SHCBP1L: variants seen among roughly 807,000 people sequenced by gnomAD.
The protein encoded by SHCBP1L is testicular spindle-associated protein SHCBP1L.
SHCBP1L carries 67 observed loss-of-function variants against 62.5 expected under a neutral mutation model. That is an observed-to-expected ratio of 1.07 (90% confidence interval 0.88 to 1.31). The LOEUF (loss-of-function observed/expected upper bound fraction) is 1.31, where lower values mean the gene tolerates loss of function less well. Ranked by LOEUF, SHCBP1L falls within the 40% of genes most tolerant of loss-of-function variation. The probability of loss-of-function intolerance (pLI) is 0.00; values close to 1 mark genes in which losing one functional copy is unlikely to be tolerated. For missense variants in SHCBP1L, 823 were observed against 809.8 expected, an observed-to-expected ratio of 1.02 and a Z score of -0.20; for synonymous variants, 284 against 289.4, an observed-to-expected ratio of 0.98 and a Z score of 0.19.
At chr1:182,903,910 G>A (rs933219195) in intron 8 of SHCBP1L, among the ~76,000 whole-genome samples, 1 of 152,138 alleles carries the variant, frequency 6.6e-6, no homozygotes, top group Admixed American at 6.5e-5. Flanking sequence ...ACTGACTCAT[G>A]ATTTATGTTA....
At chr1:182,928,340 T>C (rs1280908136) in intron 6 of SHCBP1L, among the ~76,000 whole-genome samples, 1 of 152,058 alleles carries the variant, frequency 6.6e-6, no homozygotes, top group African/African-American at 2.4e-5. Flanking sequence ...GAGTGGTAAA[T>C]ACTCTTTGCT....
In SHCBP1L at chr1:182,903,174, A is replaced by G. The variant is rs1373113547; in HGVS notation, c.1588-13T>C. The G allele has an allele frequency of 3.3e-6, 5 of 1,518,704 alleles. No homozygotes were observed. Among genetic ancestry groups the G allele is most frequent in the African/African-American group, 1.4e-5 (1 of 71,374 alleles). The allele number at this position is 1,518,704 out of a possible 1,614,324, so 94.1% of individuals were successfully genotyped here. A position where few individuals can be genotyped will look rare whatever the true frequency, so the allele number is the denominator to read the frequency against. The stretch of plus-strand genomic sequence containing the variant: ...CAACACCAGCACCCTGTAAATTAAA[A>G]GCAAATAAAACTATCTACAAAATAT... On this transcript the variant is annotated splice_polypyrimidine_tract_variant and intron_variant, in intron 8 of 9. Transcript: ENST00000367547.
chr1:182,937,223 A>C (rs1218590876), intron 5 of SHCBP1L, among the ~76,000 whole-genome samples: 1 of 151,696 alleles, frequency 6.6e-6, no homozygotes, highest in Non-Finnish European at 1.5e-5. Context: ...CCTACTAATG[A>C]TAAACTCTCA....
chr1:182,933,568 T>C (rs9425567), intron 5 of SHCBP1L, among the ~76,000 whole-genome samples: 46,711 of 151,996 alleles, frequency 0.31, 7,545 homozygotes, highest in Middle Eastern at 0.36. Flanking sequence ...ATTTGTCATA[T>C]GATTTTTCTG....
Position 182,903,114 on chromosome 1 carries a change from T to C in SHCBP1L, c.1635A>G (p.Arg545=), listed in dbSNP as rs367611863. 6.2e-7 allele frequency: 1 copy of C among 1,603,100 alleles called. No individual in the cohort carries two copies. Among genetic ancestry groups the C allele is most frequent in the African/African-American group, 1.3e-5 (1 of 74,626 alleles). ...LYPGSIAILE[R]NEIHHCNNLR... ...GGTTATTACAGTGATGAATTTCATTTCTTTCCAAAATAGCTATGCTTCCAG... is the reference window on the plus strand; with the variant it reads ...GGTTATTACAGTGATGAATTTCATTCCTTTCCAAAATAGCTATGCTTCCAG... Residue 545 remains arginine, a synonymous_variant, in exon 9 of 10, where the codon AGA becomes AGG. Transcript: ENST00000367547.
chr1:182,915,932 G>C (rs1452165923), intron 6 of SHCBP1L, among the ~76,000 whole-genome samples: 1 of 151,200 alleles, frequency 6.6e-6, no homozygotes, highest in Non-Finnish European at 1.5e-5. Flanking sequence ...TCAGCCTCTC[G>C]AGTAGCTGGG....
chr1:182,940,388 A>T lies in SHCBP1L; in HGVS notation c.711T>A (p.Tyr237Ter), dbSNP rs1433145391. The change falls in exon 3 of 10, where the codon TAT becomes TAA. Residue 237 changes from tyrosine (Y) to a stop codon, truncating the protein, a stop_gained. Coordinates refer to ENST00000367547, the MANE Select transcript of SHCBP1L (RefSeq NM_030933.4). LOFTEE classifies it high-confidence loss of function. The part of the protein sequence containing the change: ...LEHSVPLLEV[Y>*]PVEGQDTDIH... The stretch of plus-strand genomic sequence containing the variant: ...TATCAGTATCTTGTCCCTCAACAGG[A>T]TACACTTCCAAAAGAGGCACACTGT... The T allele has an allele frequency of 1.4e-5, 23 of 1,613,992 alleles. No individual in the cohort carries two copies. Among genetic ancestry groups the T allele is most frequent in the Non-Finnish European group, 1.9e-5 (23 of 1,179,954 alleles).
At chr1:182,931,685 C>G (rs925992564) in intron 5 of SHCBP1L, among the ~76,000 whole-genome samples, 1 of 152,110 alleles carries the variant, frequency 6.6e-6, no homozygotes, top group Admixed American at 6.5e-5. Flanking sequence ...TTGTTCCCCC[C>G]GCACACACAA....
At chr1:182,942,505 C>A in intron 2 of SHCBP1L, 1 of 616,534 alleles carries the variant, frequency 1.6e-6, no homozygotes, top group Non-Finnish European at 2.9e-6. Context: ...TCCCGCCGCC[C>A]GAGCTACTGA....
At chr1:182,917,952 C>T (rs1170924333) in intron 6 of SHCBP1L, among the ~76,000 whole-genome samples, 1 of 151,730 alleles carries the variant, frequency 6.6e-6, no homozygotes, top group Non-Finnish European at 1.5e-5. Context: ...TTGAACCAGA[C>T]GTCCTAGCCA....
chr1:182,914,664 A>G (rs1650295799), intron 6 of SHCBP1L, among the ~76,000 whole-genome samples: 1 of 149,350 alleles, frequency 6.7e-6, no homozygotes, highest in South Asian at 2.1e-4. Flanking sequence ...ATGGTACACT[A>G]AAAAAAAAAT....
intron 6 of SHCBP1L, among the ~76,000 whole-genome samples, chr1:182,919,217 G>A (rs1194947654): frequency 6.6e-6 from 1 of 152,186 alleles, no homozygotes; most frequent in East Asian, 1.9e-4. Context: ...AAATTTATTA[G>A]CTCACAGTTC....
Position 182,951,375 on chromosome 1 carries a change from A to ATTAGT in SHCBP1L, c.497_498insACTAA (p.Ser166ArgfsTer7). The ATTAGT allele has an allele frequency of 2.5e-6, 4 of 1,609,462 alleles. No individual in the cohort carries two copies. The highest frequency in any genetic ancestry group is 2.5e-6 in the Non-Finnish European group (3 of 1,177,470). On this transcript the variant is annotated frameshift_variant, in exon 2 of 10. Transcript: ENST00000367547. LOFTEE classifies it high-confidence loss of function. ...CTTCTTCATATTTCACAAAGAATAC[A>ATTAGT]CTGGGATTAGTCTTCCAGACTCCAA...
At chr1:182,915,830 G>A (rs1374464847) in intron 6 of SHCBP1L, among the ~76,000 whole-genome samples, 3 of 146,168 alleles carry the variant, frequency 2.1e-5, no homozygotes, top group Admixed American at 1.4e-4. Flanking sequence ...TTTTTGAGAC[G>A]GAGTCTCACT....
chr1:182,920,242 C>T (rs984813706), intron 6 of SHCBP1L, among the ~76,000 whole-genome samples: 1 of 152,094 alleles, frequency 6.6e-6, no homozygotes, highest in Admixed American at 6.5e-5. Context: ...CTTGAGAGGC[C>T]AGAGAACAAA....
chr1:182,905,328 C>T (rs1451225180), intron 7 of SHCBP1L, among the ~76,000 whole-genome samples, 168 bp downstream of exon 7: 1 of 151,974 alleles, frequency 6.6e-6, no homozygotes, highest in Non-Finnish European at 1.5e-5. Flanking sequence ...ATAAATGGAG[C>T]TATAGAAAAT....
chr1:182,926,678 T>C lies in SHCBP1L; in HGVS notation c.1182+2969A>G, dbSNP rs1309851278. Among the ~76,000 whole-genome samples the C allele has an allele frequency of 4.6e-5, 7 of 152,084 alleles. No homozygotes were observed. The East Asian group carries it at 9.7e-4, about 21-fold the overall frequency. ...AACATCACACTATACCGTCTCCAGATTGAAAGAAGGAAAAGCCTGTGATCA... is the reference window on the plus strand; with the variant it reads ...AACATCACACTATACCGTCTCCAGACTGAAAGAAGGAAAAGCCTGTGATCA... On this transcript the variant is annotated intron_variant, in intron 6 of 9. Coordinates refer to ENST00000367547, the MANE Select transcript of SHCBP1L (RefSeq NM_030933.4).
intron 8 of SHCBP1L, 55 bp downstream of exon 8, chr1:182,904,125 C>T: frequency 6.4e-7 from 1 of 1,571,702 alleles, no homozygotes; most frequent in Admixed American, 1.9e-5. Flanking sequence ...ATTAAGATCA[C>T]TCAAAGCTGT....
Position 182,899,980 on chromosome 1 carries a change from G to T in SHCBP1L, c.*3C>A, listed in dbSNP as rs779128228. ...ATAAAACTTTAACATCAATTCAGAC[G>T]CTTTAACTTGTGACTATTCTGATAT... On this transcript the variant is annotated 3_prime_UTR_variant, in exon 10 of 10. Coordinates refer to ENST00000367547, the MANE Select transcript of SHCBP1L (RefSeq NM_030933.4). The T allele has an allele frequency of 6.3e-7, 1 of 1,592,862 alleles. No individual in the cohort carries two copies. Among genetic ancestry groups the T allele is most frequent in the Non-Finnish European group, 8.5e-7 (1 of 1,170,510 alleles).
Sources: gnomAD v4.1 joint callset for allele counts (sites outside exome capture counted in the v4.1 genomes callset) on GRCh38, gnomAD v4.1.1 for gene constraint, MANE v1.5 for transcripts, NCBI Gene and HGNC (gene_info 2026-07-23, HGNC 2026-07-21) for gene names.